LRRC4C: variants seen among roughly 807,000 people sequenced by gnomAD.
The protein encoded by LRRC4C is leucine-rich repeat-containing protein 4C.
LRRC4C carries 5 observed loss-of-function variants against 33.6 expected under a neutral mutation model. That is an observed-to-expected ratio of 0.15 (90% CI 0.08 to 0.31). The LOEUF (loss-of-function observed/expected upper bound fraction) is 0.31. LRRC4C is among the 10% of genes least tolerant of loss of function. LRRC4C has a pLI of 1.00. For synonymous variants in LRRC4C, 329 were observed against 302.0 expected, an observed-to-expected ratio of 1.09 and a Z score of -0.93; for missense variants, 560 against 796.7, an observed-to-expected ratio of 0.70 and a Z score of 3.58.
chr11:40,768,171 A>G (rs947776438), intron 2 of LRRC4C, among the ~76,000 whole-genome samples: 3 of 152,032 alleles, frequency 2.0e-5, no homozygotes, highest in Non-Finnish European at 1.5e-5. Context: ...AAGGATCATC[A>G]GAGAATGGTA....
intron 1 of LRRC4C, among the ~76,000 whole-genome samples, chr11:41,177,478 A>G (rs1945256794): frequency 6.6e-6 from 1 of 152,172 alleles, no homozygotes; most frequent in African/African-American, 2.4e-5. Context: ...TATGATCACA[A>G]CTGGTATAAC....
intron 2 of LRRC4C, among the ~76,000 whole-genome samples, chr11:40,915,074 T>C (rs1245455507): frequency 1.3e-5 from 2 of 152,172 alleles, no homozygotes; most frequent in East Asian, 3.9e-4. Context: ...GAACATTCCA[T>C]GCTCATGGGT....
chr11:40,331,080 G>A (rs1340888308), intron 3 of LRRC4C, among the ~76,000 whole-genome samples: 2 of 152,090 alleles, frequency 1.3e-5, no homozygotes, highest in East Asian at 1.9e-4. Context: ...GATACTTACT[G>A]TGTCTCACCC....
At chr11:40,770,221 A>C (rs1246627693) in intron 2 of LRRC4C, among the ~76,000 whole-genome samples, 1 of 152,182 alleles carries the variant, frequency 6.6e-6, no homozygotes, top group Non-Finnish European at 1.5e-5. Flanking sequence ...CAGGAAACTT[A>C]CAATCATGGT....
rs150388906 is a variant in LRRC4C, at chr11:41,327,662, A to T, written c.-496+131769T>A. 2.1e-3 allele frequency among the ~76,000 whole-genome samples: 315 copies of T among 152,198 alleles called. 1 individual carries two copies. Among genetic ancestry groups the T allele is most frequent in the African/African-American group, 7.1e-3 (296 of 41,516 alleles). ...CCACCCAAATCTCATCTTGAATTGG[A>T]GCTCTCATGATCCCCACGTGTCATG... On this transcript the variant is annotated intron_variant, in intron 1 of 6. Transcript: ENST00000528697.
Position 40,906,843 on chromosome 11 carries a change from A to G in LRRC4C, c.-407+26792T>C, listed in dbSNP as rs373999407. 3.3e-5 allele frequency among the ~76,000 whole-genome samples: 5 copies of G among 152,212 alleles called. 1 individual carries two copies. In the East Asian group the frequency reaches 5.8e-4, roughly 18 times the overall value. On this transcript the variant is annotated intron_variant, in intron 2 of 6. Coordinates refer to ENST00000528697, the MANE Select transcript of LRRC4C (RefSeq NM_001258419.2). Reference sequence around the variant, plus strand: ...ATATACATTATTCACACACAGAAAAAGAAAAGATAAAGTGTAAAAAACACT... The same window carrying G: ...ATATACATTATTCACACACAGAAAAGGAAAAGATAAAGTGTAAAAAACACT...
In LRRC4C at chr11:40,114,555, G is replaced by A. The variant is rs1350805796; in HGVS notation, c.1738C>T (p.Pro580Ser). 6.2e-7 allele frequency: 1 copy of A among 1,614,114 alleles called. No individual in the cohort carries two copies. Among genetic ancestry groups the A allele is most frequent in the South Asian group, 1.1e-5 (1 of 91,076 alleles). Residue 580 changes from proline (P) to serine (S), a missense_variant, in exon 7 of 7, where the codon CCC (proline) becomes TCC (serine). Pro to Ser is a moderately conservative substitution (Grantham distance 74, BLOSUM62 -1). Transcript: ENST00000528697. ...NVDDEITGDT[P>S]MESHLPMPAI... ...GGCATGGGCAGGTGGCTTTCCATGG[G>A]TGTGTCTCCCGTAATCTCATCATCC... is the stretch of plus-strand genomic sequence containing the variant.
chr11:40,174,066 C>A (rs1362175477), intron 5 of LRRC4C, among the ~76,000 whole-genome samples: 1 of 152,086 alleles, frequency 6.6e-6, no homozygotes, highest in East Asian at 1.9e-4. Context: ...AATTGAGGAA[C>A]AACGGTATAC....
intron 2 of LRRC4C, among the ~76,000 whole-genome samples, chr11:40,891,621 A>C (rs1030501343): frequency 6.6e-6 from 1 of 152,310 alleles, no homozygotes; most frequent in African/African-American, 2.4e-5. Flanking sequence ...TCAAACTAAG[A>C]CAAACAAAAG....
chr11:40,938,044 C>A (rs1245834622), intron 1 of LRRC4C, among the ~76,000 whole-genome samples: 2 of 152,064 alleles, frequency 1.3e-5, no homozygotes, highest in African/African-American at 2.4e-5. Flanking sequence ...TATCAAGAGC[C>A]AATAAAATAG....
intron 1 of LRRC4C, among the ~76,000 whole-genome samples, chr11:41,179,185 C>CTTTT (rs556167987): frequency 4.4e-5 from 6 of 136,550 alleles, no homozygotes; most frequent in African/African-American, 1.6e-4. Context: ...CCTCAAGCCT[C>CTTTT]TTTTTTTTTT....
At chr11:41,126,711 G>T (rs906413376) in intron 1 of LRRC4C, among the ~76,000 whole-genome samples, 4 of 151,850 alleles carry the variant, frequency 2.6e-5, no homozygotes, top group African/African-American at 9.7e-5. Flanking sequence ...ATATATTGAG[G>T]CTTGATTCTT....
chr11:40,960,688 TG>T (rs1396124770), intron 1 of LRRC4C, among the ~76,000 whole-genome samples: 1 of 151,766 alleles, frequency 6.6e-6, no homozygotes, highest in Non-Finnish European at 1.5e-5. Flanking sequence ...ATATATTTAC[TG>T]GGCTCAAGGT....
At chr11:40,853,558 C>G (rs1288774947) in intron 2 of LRRC4C, among the ~76,000 whole-genome samples, 1 of 151,804 alleles carries the variant, frequency 6.6e-6, no homozygotes, top group Non-Finnish European at 1.5e-5. Context: ...CAGGTATATG[C>G]AAAACGATCA....
chr11:40,633,371 T>TCTTTCTTTCTTTCTTTCTCTCTC (rs1963658236), intron 3 of LRRC4C, among the ~76,000 whole-genome samples: 1 of 96,308 alleles, frequency 1.0e-5, no homozygotes, highest in South Asian at 4.0e-4. Flanking sequence ...CTTTCTTTCT[T>TCTTTCTTTCTTTCTTTCTCTCTC]TCTCTCTCTT....
intron 3 of LRRC4C, among the ~76,000 whole-genome samples, chr11:40,394,462 C>T (rs932018163): frequency 1.3e-5 from 2 of 152,120 alleles, no homozygotes; most frequent in Non-Finnish European, 2.9e-5. Context: ...GTGACTTGTT[C>T]GCTTTTCTCC....
chr11:41,344,622 A>T (rs1951747268), intron 1 of LRRC4C, among the ~76,000 whole-genome samples: 1 of 152,222 alleles, frequency 6.6e-6, no homozygotes, highest in African/African-American at 2.4e-5. Flanking sequence ...TAACAAGCAT[A>T]TTGTTCATCT....
intron 1 of LRRC4C, among the ~76,000 whole-genome samples, chr11:41,443,940 A>G (rs1365004831): frequency 6.6e-6 from 1 of 151,858 alleles, no homozygotes; most frequent in Non-Finnish European, 1.5e-5. Context: ...TCAATTTCAT[A>G]TTACCTTTTC....
chr11:40,466,189 A>G (rs905182439), intron 3 of LRRC4C, among the ~76,000 whole-genome samples: 5 of 152,080 alleles, frequency 3.3e-5, no homozygotes, highest in Non-Finnish European at 7.4e-5. Flanking sequence ...ACATGTTCTC[A>G]CTTATAAGCG....
Sources: gnomAD v4.1 joint callset for allele counts (sites outside exome capture counted in the v4.1 genomes callset) on GRCh38, gnomAD v4.1.1 for gene constraint, MANE v1.5 for transcripts, NCBI Gene and HGNC (gene_info 2026-07-23, HGNC 2026-07-21) for gene names.